The following BTAF1 variants were observed in gnomAD, a reference collection of about 807,000 sequenced individuals.
BTAF1 encodes B-TFIID TATA-box binding protein associated factor 1, also known as TATA-binding protein-associated factor 172.
Under a neutral mutation model 227.1 loss-of-function variants are expected in BTAF1, and 38 were observed. The ratio of observed to expected loss-of-function variants is 0.17; its 90% CI spans 0.13 to 0.22. BTAF1 has a LOEUF of 0.22. Among genes scored for constraint, BTAF1 ranks in the 10% least tolerant of loss-of-function variants. The pLI, the probability that BTAF1 is intolerant of heterozygous loss-of-function variation, is 1.00. For synonymous variants in BTAF1, 742 were observed against 751.9 expected (o/e 0.99, Z 0.21); for missense variants, 1,598 against 2,204.0 (o/e 0.73, Z 5.51).
chr10:91,963,929 CCTTAA>C (rs1045571747), intron 12 of BTAF1, 143 bp from the exon 13 acceptor site: 2 of 777,526 alleles, frequency 2.6e-6, no homozygotes, highest in African/African-American at 3.5e-5. Flanking sequence ...AGTGTGACCT[CCTTAA>C]CTTTACTCAA....
rs1444960263 is a variant in BTAF1 at position 91,982,063 on chromosome 10, T to C, written c.1906-20T>C. 1.3e-6 allele frequency: 2 copies of C among 1,598,414 alleles called. No individual in the cohort carries two copies. Among genetic ancestry groups the C allele is most frequent in the South Asian group, 1.1e-5 (1 of 88,152 alleles). ...TTTAATGGTTAATCTTTATTGTTTT[T>C]TTTTCCCCTCCCTCTGTAGGAAAAA... On this transcript the variant is annotated intron_variant, in intron 16 of 37. Coordinates refer to ENST00000265990, the MANE Select transcript of BTAF1 (RefSeq NM_003972.3).
chr10:91,959,119 AGTG>A lies in BTAF1; in HGVS notation c.961_963del (p.Gly321del), dbSNP rs1481479438. On this transcript the variant is annotated inframe_deletion, in exon 9 of 38. Coordinates refer to ENST00000265990, the MANE Select transcript of BTAF1 (RefSeq NM_003972.3). ...GGAAATTCTTAAAGCTCATGGGAAA[AGTG>A]GTGGTAAAATGGGTGACAGCACTTT... 2 of 1,613,998 alleles carry A rather than the reference AGTG, an allele frequency of 1.2e-6. No homozygotes were observed. The highest frequency in any genetic ancestry group is 1.7e-6 in the Non-Finnish European group (2 of 1,180,000).
rs1400018162 is a variant in BTAF1, at chr10:91,991,795, GTGTATATATATATA to G, written c.2855-322_2855-309del. Among the ~76,000 whole-genome samples the G allele has an allele frequency of 1.4e-3, 8 of 5,626 alleles. No homozygotes were observed. The East Asian group carries it at 0.06, about 42-fold the overall frequency. 3.7% of individuals were successfully genotyped at this position (5,626 alleles called of 152,430 possible). A position where few individuals can be genotyped will look rare whatever the true frequency, so the allele number is the denominator to read the frequency against. ...TATATATGTGTGTGTGTGTGTGTGTGTGTATATATATATATATATATATATATATATATATATAC... is the reference window on the plus strand; with the variant it reads ...TATATATGTGTGTGTGTGTGTGTGTGTATATATATATATATATATATATAC... On this transcript the variant is annotated intron_variant, in intron 20 of 37. Coordinates refer to ENST00000265990, the MANE Select transcript of BTAF1 (RefSeq NM_003972.3).
intron 28 of BTAF1, among the ~76,000 whole-genome samples, chr10:92,010,016 C>G (rs1325378174): frequency 6.6e-6 from 1 of 151,992 alleles, no homozygotes; most frequent in Non-Finnish European, 1.5e-5. Flanking sequence ...ATCTTGAGCA[C>G]TTACTGGCCA....
At chr10:91,928,413 CTT>C (rs1844017175) in intron 1 of BTAF1, among the ~76,000 whole-genome samples, 1 of 152,078 alleles carries the variant, frequency 6.6e-6, no homozygotes, top group South Asian at 2.1e-4. Flanking sequence ...TGATATGACT[CTT>C]TTAAACCCTT....
intron 8 of BTAF1, among the ~76,000 whole-genome samples, chr10:91,957,803 C>T (rs1341824979): frequency 2.0e-5 from 3 of 152,066 alleles, no homozygotes; most frequent in African/African-American, 4.8e-5. Flanking sequence ...CTTTTAGTTG[C>T]CTTTCCTTGG....
chr10:91,929,896 T>A (rs1844158164), intron 1 of BTAF1, among the ~76,000 whole-genome samples: 2 of 152,146 alleles, frequency 1.3e-5, no homozygotes, highest in Admixed American at 1.3e-4. Context: ...CAGAAGGAAC[T>A]ATTGTAAATT....
chr10:91,963,418 CAAAA>C (rs71025375), intron 12 of BTAF1, among the ~76,000 whole-genome samples: 1 of 127,176 alleles, frequency 7.9e-6, no homozygotes. Context: ...GACTCCGTCT[CAAAA>C]AAAAAAAAAA....
chr10:91,996,441 C>T lies in BTAF1; in HGVS notation c.3382C>T (p.Arg1128Cys), dbSNP rs1265133906. Reference sequence around the variant, plus strand: ...TACTGCAGTGAGGCACATGGCTGCTCGTTGTGTAGGTGTCATGAGCAAAAT... The same window carrying T: ...TACTGCAGTGAGGCACATGGCTGCTTGTTGTGTAGGTGTCATGAGCAAAAT... The part of the protein sequence containing the change: ...PSTAVRHMAA[R>C]CVGVMSKIAT... Residue 1128 changes from arginine (R) to cysteine (C), a missense_variant, in exon 24 of 38, where the codon CGT becomes TGT. By Grantham distance (180) the Arg-to-Cys change is radical. This residue lies in a region of BTAF1 where 425 missense variants were observed against 491.2 expected (regional missense o/e 0.87). Transcript: ENST00000265990. 8.1e-6 allele frequency: 13 copies of T among 1,614,056 alleles called. No individual in the cohort carries two copies. The highest frequency in any genetic ancestry group is 3.3e-4 in the Middle Eastern group (2 of 6,056).
At chr10:91,976,050 T>C (rs1847665154) in intron 14 of BTAF1, among the ~76,000 whole-genome samples, 1 of 152,220 alleles carries the variant, frequency 6.6e-6, no homozygotes. Context: ...GGACCTTCCG[T>C]ACTTCTGACC....
rs1191513456 is a variant in BTAF1 at position 92,016,484 on chromosome 10, T to C, written c.4710+19T>C. 1 of 618,752 alleles carries C rather than the reference T, an allele frequency of 1.6e-6. No individual in the cohort carries two copies. Among genetic ancestry groups the C allele is most frequent in the Non-Finnish European group, 2.2e-6 (1 of 446,688 alleles). 38.3% of individuals were successfully genotyped at this position (618,752 alleles called of 1,614,324 possible). A position where few individuals can be genotyped will look rare whatever the true frequency, so the allele number is the denominator to read the frequency against. Reference sequence around the variant, plus strand: ...ATTCCAGGTATAGATTACATTCTACTTTTTTTTTTTTTGAGATGGAATTTC... The same window carrying C: ...ATTCCAGGTATAGATTACATTCTACCTTTTTTTTTTTTGAGATGGAATTTC... On this transcript the variant is annotated intron_variant, in intron 33 of 37. Transcript: ENST00000265990.
chr10:91,977,234 G>T (rs1279631306), intron 14 of BTAF1, among the ~76,000 whole-genome samples: 1 of 152,150 alleles, frequency 6.6e-6, no homozygotes, highest in Non-Finnish European at 1.5e-5. Flanking sequence ...ATTTCTGTTT[G>T]TCATCAACTC....
intron 5 of BTAF1, among the ~76,000 whole-genome samples, chr10:91,952,053 C>T (rs1346224044): frequency 6.6e-6 from 1 of 150,758 alleles, no homozygotes; most frequent in Non-Finnish European, 1.5e-5. Context: ...ATTTCCATGC[C>T]CCATAGACAA....
At chr10:92,018,337 T>C (rs1850880945) in intron 33 of BTAF1, among the ~76,000 whole-genome samples, 1 of 152,180 alleles carries the variant, frequency 6.6e-6, no homozygotes. Context: ...CACCTCGGCC[T>C]CCCAAACTGT....
intron 32 of BTAF1, 91 bp downstream of exon 32, chr10:92,014,120 G>A: frequency 7.3e-7 from 1 of 1,362,800 alleles, no homozygotes; most frequent in South Asian, 1.4e-5. Context: ...AAGGGGCTTA[G>A]CCTTTGGCTT....
rs193165319 is a variant in BTAF1, at chr10:91,992,452, A to T, written c.3045+143A>T. The T allele has an allele frequency of 1.6e-3, 1,266 of 784,128 alleles. 2 individuals carry two copies. Among genetic ancestry groups the T allele is most frequent in the Non-Finnish European group, 2.1e-3 (1,085 of 514,742 alleles). The allele number at this position is 784,128 out of a possible 1,614,324, so 48.6% of individuals were successfully genotyped here. ...ATTTTTGGAGTACTCCAACAATATG[A>T]TCCAGAAAAACGGCAAACTTCAAAT... On this transcript the variant is annotated intron_variant, in intron 21 of 37. Coordinates refer to ENST00000265990, the MANE Select transcript of BTAF1 (RefSeq NM_003972.3).
chr10:92,001,977 TATATATATACACACACAC>T (rs1564709051), intron 25 of BTAF1, among the ~76,000 whole-genome samples: 5 of 70,568 alleles, frequency 7.1e-5, no homozygotes, highest in Non-Finnish European at 1.1e-4. Flanking sequence ...ACCATATATA[TATATATATACACACACAC>T]ACACACACAC....
chr10:91,940,676 ATTTATTTTAT>A (rs749115078), intron 3 of BTAF1, among the ~76,000 whole-genome samples: 1 of 151,586 alleles, frequency 6.6e-6, no homozygotes, highest in Non-Finnish European at 1.5e-5. Flanking sequence ...GTTTTATTTT[ATTTATTTTAT>A]TTTATTTTAT....
chr10:91,989,891 T>C (rs1355457253), intron 20 of BTAF1, among the ~76,000 whole-genome samples: 8 of 152,234 alleles, frequency 5.3e-5, no homozygotes, highest in Non-Finnish European at 1.0e-4. Flanking sequence ...GTTTACTGTA[T>C]CAAGCTAGAA....
Sources: allele counts gnomAD v4.1 joint callset (sites outside exome capture counted in the v4.1 genomes callset), GRCh38; gene constraint gnomAD v4.1.1; regional missense constraint gnomAD v4.1.1; transcripts MANE v1.5; gene names NCBI Gene and HGNC (gene_info 2026-07-23, HGNC 2026-07-21).